Variants in SLC9A9 observed in about 807,000 individuals in gnomAD.
SLC9A9 encodes the protein solute carrier family 9 member A9.
A neutral mutation model predicts 77.8 loss-of-function variants in SLC9A9; 62 were observed. The ratio of observed to expected loss-of-function variants is 0.80; its 90% CI spans 0.65 to 0.98. SLC9A9 has a LOEUF of 0.98. Among genes scored for constraint, SLC9A9 ranks in the 50% least tolerant of loss-of-function variants. The pLI is 0.00. For missense variants in SLC9A9, 775 were observed against 774.9 expected (o/e 1.00, Z 0.00); for synonymous variants, 320 against 283.5 (o/e 1.13, Z -1.29).
intron 8 of SLC9A9, among the ~76,000 whole-genome samples, chr3:143,562,877 C>A (rs1262584399): frequency 6.6e-6 from 1 of 151,528 alleles, no homozygotes; most frequent in South Asian, 2.1e-4. Context: ...GGGTCATGCT[C>A]AAAAATATCT....
At chr3:143,366,050 A>C (rs1472917662) in intron 13 of SLC9A9, among the ~76,000 whole-genome samples, 2 of 152,224 alleles carry the variant, frequency 1.3e-5, no homozygotes, top group African/African-American at 4.8e-5. Context: ...AAAGCTGATA[A>C]AAAGGAATGA....
At chr3:143,700,384 T>C (rs1440047271) in intron 4 of SLC9A9, among the ~76,000 whole-genome samples, 1 of 152,016 alleles carries the variant, frequency 6.6e-6, no homozygotes, top group Non-Finnish European at 1.5e-5. Flanking sequence ...AGGCAGACTC[T>C]TGGGCTCTTG....
At chr3:143,505,798 C>T (rs2036004922) in intron 9 of SLC9A9, among the ~76,000 whole-genome samples, 1 of 152,132 alleles carries the variant, frequency 6.6e-6, no homozygotes, top group Non-Finnish European at 1.5e-5. Flanking sequence ...GTTACAGCTA[C>T]AAGGAATTGA....
In SLC9A9 at chr3:143,410,211, A is replaced by C. The variant is rs73144763; in HGVS notation, c.1470-28097T>G. ...ACTGGACTTCTCCATGATCAGCCTA[A>C]ATTAAACGGTTTTTTGCTTATTTGT... On this transcript the variant is annotated intron_variant, in intron 12 of 15. Coordinates refer to ENST00000316549, the MANE Select transcript of SLC9A9 (RefSeq NM_173653.4). 5.8e-3 allele frequency among the ~76,000 whole-genome samples: 886 copies of C among 152,272 alleles called. 6 individuals carry two copies. The highest frequency in any genetic ancestry group is 9.3e-3 in the Non-Finnish European group (633 of 68,028).
chr3:143,455,365 C>T (rs2035072667), intron 12 of SLC9A9, among the ~76,000 whole-genome samples: 1 of 152,158 alleles, frequency 6.6e-6, no homozygotes, highest in African/African-American at 2.4e-5. Flanking sequence ...TTTCCAACTT[C>T]ATTCTTTTTG....
chr3:143,667,337 G>A (rs986885603), intron 5 of SLC9A9, among the ~76,000 whole-genome samples: 41 of 152,184 alleles, frequency 2.7e-4, no homozygotes, highest in Non-Finnish European at 5.4e-4. Flanking sequence ...AATTCAAGAT[G>A]GATTAAAGAC....
At chr3:143,355,335 G>A (rs941874302) in intron 14 of SLC9A9, among the ~76,000 whole-genome samples, 2 of 152,094 alleles carry the variant, frequency 1.3e-5, no homozygotes, top group Non-Finnish European at 1.5e-5. Flanking sequence ...AAGACATGTG[G>A]CTATCAGTAG....
At chr3:143,824,712 G>A (rs2009255005) in intron 2 of SLC9A9, among the ~76,000 whole-genome samples, 1 of 152,204 alleles carries the variant, frequency 6.6e-6, no homozygotes, top group South Asian at 2.1e-4. Context: ...TTGAATGACT[G>A]AAGGAATGAA....
At chr3:143,412,283 C>T (rs1270917839) in intron 12 of SLC9A9, among the ~76,000 whole-genome samples, 2 of 151,910 alleles carry the variant, frequency 1.3e-5, no homozygotes, top group African/African-American at 2.4e-5. Context: ...TTTGTTGGCC[C>T]CCGAGAAGGA....
At chr3:143,663,545 T>C (rs758571313) in intron 5 of SLC9A9, among the ~76,000 whole-genome samples, 3 of 152,092 alleles carry the variant, frequency 2.0e-5, no homozygotes, top group Non-Finnish European at 4.4e-5. Context: ...TTTGAACCCA[T>C]CACGAAGAAG....
chr3:143,285,267 T>A (rs1031868693), intron 14 of SLC9A9, among the ~76,000 whole-genome samples: 1 of 152,212 alleles, frequency 6.6e-6, no homozygotes, highest in African/African-American at 2.4e-5. Context: ...TGGTGTGTGA[T>A]GTTCCCTGCC....
chr3:143,454,529 T>C (rs1290299039), intron 12 of SLC9A9, among the ~76,000 whole-genome samples: 1 of 152,202 alleles, frequency 6.6e-6, no homozygotes, highest in Non-Finnish European at 1.5e-5. Context: ...GGTTCATTTT[T>C]TGGCCTACGG....
At chr3:143,336,190 G>T (rs2031916320) in intron 14 of SLC9A9, among the ~76,000 whole-genome samples, 1 of 152,094 alleles carries the variant, frequency 6.6e-6, no homozygotes, top group African/African-American at 2.4e-5. Context: ...TACATAATGA[G>T]ATATCACCTC....
intron 11 of SLC9A9, among the ~76,000 whole-genome samples, chr3:143,479,865 G>A (rs111710220): frequency 0.016 from 2,424 of 152,318 alleles, 35 homozygotes; most frequent in Middle Eastern, 0.051. Flanking sequence ...ATGACACCAG[G>A]TGTGAGATTG....
intron 14 of SLC9A9, among the ~76,000 whole-genome samples, chr3:143,336,253 G>A (rs1374539646): frequency 2.0e-5 from 3 of 152,174 alleles, no homozygotes; most frequent in African/African-American, 7.2e-5. Context: ...TGTTGATGAG[G>A]ACATGGAGAA....
intron 5 of SLC9A9, among the ~76,000 whole-genome samples, chr3:143,662,032 G>T (rs995860491): frequency 6.6e-6 from 1 of 152,062 alleles, no homozygotes; most frequent in Non-Finnish European, 1.5e-5. Context: ...CAAACTTTAT[G>T]TTTATATTTT....
At chr3:143,541,727 A>C (rs2108630363) in intron 9 of SLC9A9, among the ~76,000 whole-genome samples, 1 of 152,256 alleles carries the variant, frequency 6.6e-6, no homozygotes, top group East Asian at 1.9e-4. Flanking sequence ...CTCCAATAAA[A>C]TTCTGGGTTC....
Position 143,365,877 on chromosome 3 carries a change from T to C in SLC9A9, c.1525-2314A>G, listed in dbSNP as rs144505583. On this transcript the variant is annotated intron_variant, in intron 13 of 15. Transcript: ENST00000316549. ...ATCTGGCAAAGCAAAACTGCTCATGTTGAGCTAAACTAGTTATGAAAAGCT... is the reference window on the plus strand; with the variant it reads ...ATCTGGCAAAGCAAAACTGCTCATGCTGAGCTAAACTAGTTATGAAAAGCT... Among the ~76,000 whole-genome samples the C allele has an allele frequency of 5.5e-3, 831 of 152,320 alleles. 4 individuals are homozygous for C. Among genetic ancestry groups the C allele is most frequent in the African/African-American group, 0.019 (789 of 41,568 alleles).
intron 6 of SLC9A9, among the ~76,000 whole-genome samples, chr3:143,612,293 T>C (rs1419003124): frequency 6.6e-6 from 1 of 152,184 alleles, no homozygotes; most frequent in Non-Finnish European, 1.5e-5. Context: ...TCTCAAACCC[T>C]GAACCAACAT....
Sources: gnomAD v4.1 joint callset for allele counts (sites outside exome capture counted in the v4.1 genomes callset) on GRCh38, gnomAD v4.1.1 for gene constraint, MANE v1.5 for transcripts, NCBI Gene and HGNC (gene_info 2026-07-23, HGNC 2026-07-21) for gene names.